Variants in GSG1L observed in about 807,000 individuals in gnomAD.
The protein encoded by GSG1L is germ cell-specific gene 1-like protein.
In GSG1L, 24 loss-of-function variants were observed where a neutral mutation model predicts 42.1. The ratio of observed to expected loss-of-function variants is 0.57; its 90% CI spans 0.41 to 0.80. The LOEUF (loss-of-function observed/expected upper bound fraction) is 0.80. GSG1L is among the 30% of genes least tolerant of loss of function. The pLI is 0.00. For synonymous variants in GSG1L, 215 were observed against 203.5 expected, an observed-to-expected ratio of 1.06 and a Z score of -0.48; for missense variants, 445 against 472.2, an observed-to-expected ratio of 0.94 and a Z score of 0.53.
chr16:27,930,512 A>C (rs1286484839), intron 2 of GSG1L, among the ~76,000 whole-genome samples: 1 of 152,204 alleles, frequency 6.6e-6, no homozygotes, highest in Non-Finnish European at 1.5e-5. Flanking sequence ...TCTTTTCTTC[A>C]CTGCTGTATT....
chr16:27,984,939 G>A (rs1050572203), intron 1 of GSG1L, among the ~76,000 whole-genome samples: 4 of 151,906 alleles, frequency 2.6e-5, no homozygotes, highest in African/African-American at 9.7e-5. Context: ...TGTATTTTTT[G>A]TAGAGATGGG....
chr16:28,039,603 GCA>G (rs34252812), intron 1 of GSG1L, among the ~76,000 whole-genome samples: 183 of 150,978 alleles, frequency 1.2e-3, no homozygotes, highest in Middle Eastern at 6.8e-3. Context: ...ACCCACACTT[GCA>G]CACACACACA....
At chr16:27,894,319 C>T (rs956198655) in intron 2 of GSG1L, among the ~76,000 whole-genome samples, 10 of 152,078 alleles carry the variant, frequency 6.6e-5, no homozygotes, top group Non-Finnish European at 8.8e-5. Context: ...TGTTGTTATT[C>T]CTAAAGGGAA....
intron 4 of GSG1L, among the ~76,000 whole-genome samples, chr16:27,830,805 G>C (rs2083267163): frequency 6.6e-6 from 1 of 152,224 alleles, no homozygotes; most frequent in Non-Finnish European, 1.5e-5. Flanking sequence ...CTAGCATGAT[G>C]GAAACTCAGA....
intron 2 of GSG1L, among the ~76,000 whole-genome samples, chr16:27,914,725 G>A (rs909938761): frequency 6.6e-6 from 1 of 151,962 alleles, no homozygotes; most frequent in Non-Finnish European, 1.5e-5. Context: ...TAGCACAAAT[G>A]AGCCTAGCAT....
intron 3 of GSG1L, among the ~76,000 whole-genome samples, chr16:27,855,415 G>A (rs1041027370): frequency 1.3e-5 from 2 of 152,090 alleles, no homozygotes; most frequent in African/African-American, 4.8e-5. Flanking sequence ...ACGGCGCTAA[G>A]GGCTGCAGAA....
chr16:27,898,265 GGGGGCCTGGAGATGGGTAGTAGGA>G (rs2084213856), intron 2 of GSG1L, among the ~76,000 whole-genome samples: 1 of 152,154 alleles, frequency 6.6e-6, no homozygotes, highest in Non-Finnish European at 1.5e-5. Flanking sequence ...CACACAGGCT[GGGGGCCTGGAGATGGGTAGTAGGA>G]ACCTGGTGGG....
At position 28,056,629 on chromosome 16, in the gene GSG1L, T is replaced by C. The variant is rs537773944; in HGVS notation, c.349+6447A>G. Among the ~76,000 whole-genome samples, 639 of 151,510 alleles carry C rather than the reference T, an allele frequency of 4.2e-3. 4 individuals carry two copies. Among genetic ancestry groups the C allele is most frequent in the African/African-American group, 0.014 (595 of 41,370 alleles). On this transcript the variant is annotated intron_variant, in intron 1 of 6. Coordinates refer to ENST00000447459, the MANE Select transcript of GSG1L (RefSeq NM_001109763.2). Reference sequence around the variant, plus strand: ...AACTTAAAGTATAATAAAAAATATATATTAAAAAAAAAAATCTTGGTCCCT... The same window carrying C: ...AACTTAAAGTATAATAAAAAATATACATTAAAAAAAAAAATCTTGGTCCCT...
chr16:27,844,903 T>G, intron 4 of GSG1L, 47 bp downstream of exon 4: 1 of 806,132 alleles, frequency 1.2e-6, no homozygotes, highest in Non-Finnish European at 1.8e-6. Context: ...CCAGCGTGCC[T>G]TGGGCCCTGG....
chr16:28,060,954 T>C (rs1307122731), intron 1 of GSG1L, among the ~76,000 whole-genome samples: 1 of 152,190 alleles, frequency 6.6e-6, no homozygotes, highest in Non-Finnish European at 1.5e-5. Flanking sequence ...ACTGGGACCG[T>C]GACCTTCAGG....
intron 3 of GSG1L, among the ~76,000 whole-genome samples, chr16:27,847,822 C>G (rs1346928851): frequency 6.6e-6 from 1 of 152,228 alleles, no homozygotes; most frequent in Non-Finnish European, 1.5e-5. Flanking sequence ...ATGCCTGCTT[C>G]CCCTTCGCCC....
At chr16:27,811,532 G>A (rs992350052) in intron 5 of GSG1L, among the ~76,000 whole-genome samples, 1 of 152,186 alleles carries the variant, frequency 6.6e-6, no homozygotes, top group Non-Finnish European at 1.5e-5. Flanking sequence ...GCACCTCTAG[G>A]TCAACAGAGG....
At chr16:28,022,003 C>G (rs190528060) in intron 1 of GSG1L, among the ~76,000 whole-genome samples, 2 of 152,234 alleles carry the variant, frequency 1.3e-5, no homozygotes, top group Non-Finnish European at 2.9e-5. Context: ...CCTGGGAAGT[C>G]ACAGCAACAG....
chr16:27,969,875 T>C (rs2085174428), intron 1 of GSG1L, among the ~76,000 whole-genome samples: 1 of 152,232 alleles, frequency 6.6e-6, no homozygotes, highest in South Asian at 2.1e-4. Context: ...CTTGCTATTG[T>C]TCGTCTTTTT....
At chr16:27,806,583 A>C (rs2082965442) in intron 6 of GSG1L, among the ~76,000 whole-genome samples, 1 of 152,176 alleles carries the variant, frequency 6.6e-6, no homozygotes, top group Admixed American at 6.5e-5. Flanking sequence ...CTCCAGGGTG[A>C]GGGAGCTGGG....
intron 4 of GSG1L, among the ~76,000 whole-genome samples, chr16:27,839,586 CGTGGGTAA>C (rs2083356344): frequency 6.6e-6 from 1 of 152,118 alleles, no homozygotes; most frequent in African/African-American, 2.4e-5. Context: ...AGTGTGGAAG[CGTGGGTAA>C]ATGTAAGGCA....
chr16:27,884,731 AAGTC>A lies in GSG1L; in HGVS notation c.398-97_398-94del. 7.9e-7 allele frequency: 1 copy of A among 1,273,102 alleles called. No homozygotes were observed. Among genetic ancestry groups the A allele is most frequent in the Non-Finnish European group, 1.1e-6 (1 of 925,678 alleles). The allele number at this position is 1,273,102 out of a possible 1,614,324, so 78.9% of individuals were successfully genotyped here. On this transcript the variant is annotated intron_variant, in intron 2 of 6. Transcript: ENST00000447459. The surrounding 1 kb of genome is among the most constrained non-coding windows in gnomAD (Gnocchi z 4.4). ...TCCTCCCACAACAGCAGAGGGTAGC[AAGTC>A]ATTCTAGAATAGAACCTGGTTCTGG...
intron 4 of GSG1L, among the ~76,000 whole-genome samples, chr16:27,830,825 T>C (rs187873426): frequency 3.3e-5 from 5 of 152,364 alleles, no homozygotes; most frequent in African/African-American, 1.2e-4. Context: ...AACCCGAGGA[T>C]AGAGAATGAA....
intron 1 of GSG1L, among the ~76,000 whole-genome samples, chr16:28,017,507 G>A (rs545369175): frequency 1.3e-5 from 2 of 152,328 alleles, no homozygotes; most frequent in African/African-American, 4.8e-5. Context: ...GGCACCCTGA[G>A]CCATGGACAA....
Sources: allele counts gnomAD v4.1 joint callset (sites outside exome capture counted in the v4.1 genomes callset), GRCh38; gene constraint gnomAD v4.1.1; non-coding constraint Gnocchi (gnomAD v3.1); transcripts MANE v1.5; gene names NCBI Gene and HGNC (gene_info 2026-07-23, HGNC 2026-07-21).